COL1A2: variants seen among roughly 807,000 people sequenced by gnomAD.
The protein encoded by COL1A2 is collagen alpha-2(I) chain.
In COL1A2, 49 loss-of-function variants were observed where a neutral mutation model predicts 174.3. The observed-to-expected ratio is 0.28, with a 90% confidence interval of 0.22 to 0.36. The LOEUF (loss-of-function observed/expected upper bound fraction) is 0.36, where lower values mean the gene tolerates loss of function less well. COL1A2 is among the 10% of genes least tolerant of loss of function. COL1A2 has a pLI of 1.00. For missense variants in COL1A2, 1,438 were observed against 1,822.7 expected, an observed-to-expected ratio of 0.79 and a Z score of 3.84; for synonymous variants, 655 against 606.6, an observed-to-expected ratio of 1.08 and a Z score of -1.17.
At chr7:94,405,589 G>A in intron 10 of COL1A2, 84 bp from the exon 11 acceptor site, 1 of 1,295,982 alleles carries the variant, frequency 7.7e-7, no homozygotes, top group South Asian at 1.2e-5. Context: ...ACTTTGATGA[G>A]AATAAATACT....
chr7:94,404,940 T>A, intron 9 of COL1A2, 48 bp downstream of exon 9: 1 of 1,599,118 alleles, frequency 6.3e-7, no homozygotes, highest in East Asian at 2.2e-5. Flanking sequence ...TAAATACTCT[T>A]GCCTCAACAA....
Position 94,409,578 on chromosome 7 carries a change from A to C in COL1A2, c.906A>C (p.Ala302=). Residue 302 remains alanine (A), a synonymous_variant, in exon 18 of 52, where the codon GCA becomes GCC. Transcript: ENST00000297268. ...TTTCCTCATAGGGTAATCCTGGAGC[A>C]AACGGCCTTACTGGTGCCAAGGGTG... is the stretch of plus-strand genomic sequence containing the variant. ...GPVGPPGNPG[A]NGLTGAKGAA... 1 of 1,614,232 alleles carries C rather than the reference A, an allele frequency of 6.2e-7. No homozygotes were observed. Among genetic ancestry groups the C allele is most frequent in the South Asian group, 1.1e-5 (1 of 91,082 alleles).
At chr7:94,429,615 T>C in intron 51 of COL1A2, 185 bp downstream of exon 51, 2 of 591,068 alleles carry the variant, frequency 3.4e-6, no homozygotes, top group Non-Finnish European at 5.8e-6. Context: ...TACGTATTAA[T>C]TTCGTACTTA....
intron 3 of COL1A2, 132 bp downstream of exon 3, chr7:94,398,528 G>A (rs1791625944): frequency 2.9e-6 from 1 of 345,406 alleles, no homozygotes; most frequent in Non-Finnish European, 5.2e-6. Context: ...ATTAGCTAAA[G>A]CATAAAATAA....
At chr7:94,417,863 T>A (rs1449654785) in intron 32 of COL1A2, 32 bp downstream of exon 32, 20 of 1,524,084 alleles carry the variant, frequency 1.3e-5, no homozygotes, top group Non-Finnish European at 1.5e-5. Flanking sequence ...ATATTGTTGA[T>A]GAACTCTAGT....
chr7:94,407,732 G>C (rs1791831385), intron 12 of COL1A2, 115 bp from the exon 13 acceptor site: 1 of 868,898 alleles, frequency 1.2e-6, no homozygotes, highest in Non-Finnish European at 1.8e-6. Context: ...ATATGTGTAA[G>C]AAATATTATG....
At chr7:94,429,059 T>G (rs1792344020) in intron 50 of COL1A2, 129 bp from the exon 51 acceptor site, 2 of 783,050 alleles carry the variant, frequency 2.6e-6, no homozygotes, top group Non-Finnish European at 2.0e-6. Context: ...AAAAGTACCC[T>G]TTTCCTAAGC....
At position 94,426,989 on chromosome 7, in the gene COL1A2, T is replaced by G. The variant is rs779002473; in HGVS notation, c.3106-19T>G. 58 of 1,612,796 alleles carry G rather than the reference T, an allele frequency of 3.6e-5. No homozygotes were observed. Among genetic ancestry groups the G allele is most frequent in the Non-Finnish European group, 4.7e-5 (56 of 1,179,038 alleles). On this transcript the variant is annotated intron_variant, in intron 46 of 51. Transcript: ENST00000297268. The stretch of plus-strand genomic sequence containing the variant: ...GACATGTGCTCTGAAAGTGTGATTT[T>G]CCTCTTCTGTCTTTAAAGGGTCACC...
chr7:94,401,397 A>G (rs1032968017), intron 5 of COL1A2, among the ~76,000 whole-genome samples, 170 bp from the exon 6 acceptor site: 1 of 152,176 alleles, frequency 6.6e-6, no homozygotes, highest in African/African-American at 2.4e-5. Flanking sequence ...ATAACTTTTT[A>G]GGAATTTAGT....
intron 41 of COL1A2, 69 bp from the exon 42 acceptor site, chr7:94,425,048 G>A: frequency 7.2e-7 from 1 of 1,384,284 alleles, no homozygotes; most frequent in African/African-American, 1.4e-5. Context: ...GAGTAGGGTT[G>A]TTTTGGAGGG....
rs1792387777 is a variant in COL1A2, at chr7:94,430,867, A to T, written c.*474A>T. 3 of 166,478 alleles carry T rather than the reference A, an allele frequency of 1.8e-5. No individual in the cohort carries two copies. The South Asian group carries it at 4.8e-4, about 27-fold the overall frequency. The allele number at this position is 166,478 out of a possible 1,614,324, so 10.3% of individuals were successfully genotyped here. On this transcript the variant is annotated 3_prime_UTR_variant, in exon 52 of 52. Transcript: ENST00000297268. ...GTCCTTGTTTTGTTTTGTTCATAAT[A>T]CAAAGGTGCTAATTAATAGTATTTC...
In COL1A2 at chr7:94,427,000, C is replaced by T. The variant is rs772440923; in HGVS notation, c.3106-8C>T. On this transcript the variant is annotated splice_polypyrimidine_tract_variant and splice_region_variant and intron_variant, in intron 46 of 51. Coordinates refer to ENST00000297268, the MANE Select transcript of COL1A2 (RefSeq NM_000089.4). ...TGAAAGTGTGATTTTCCTCTTCTGT[C>T]TTTAAAGGGTCACCATGGTGATCAA... The T allele has an allele frequency of 6.2e-7, 1 of 1,613,202 alleles. No homozygotes were observed. Among genetic ancestry groups the T allele is most frequent in the Non-Finnish European group, 8.5e-7 (1 of 1,179,518 alleles).
intron 41 of COL1A2, 26 bp from the exon 42 acceptor site, chr7:94,425,091 T>C (rs574039449): frequency 2.5e-6 from 4 of 1,601,210 alleles, no homozygotes; most frequent in South Asian, 2.2e-5. Flanking sequence ...AAGGGGAATG[T>C]CATTTTATCT....
Position 94,424,329 on chromosome 7 carries a change from T to C in COL1A2, c.2566-7T>C, listed in dbSNP as rs752506724. On this transcript the variant is annotated splice_polypyrimidine_tract_variant and splice_region_variant and intron_variant, in intron 40 of 51. Coordinates refer to ENST00000297268, the MANE Select transcript of COL1A2 (RefSeq NM_000089.4). ...CCCATAATACTCAGTATTTTTTCTCTATTTAGGGACCTCCTGGCACTCCAG... is the reference window on the plus strand; with the variant it reads ...CCCATAATACTCAGTATTTTTTCTCCATTTAGGGACCTCCTGGCACTCCAG... 4 of 1,613,164 alleles carry C rather than the reference T, an allele frequency of 2.5e-6. No homozygotes were observed. The highest frequency in any genetic ancestry group is 2.2e-5 in the South Asian group (2 of 91,060).
Position 94,424,498 on chromosome 7 carries a change from T to C in COL1A2, c.2673+55T>C. 1.3e-5 allele frequency: 19 copies of C among 1,483,616 alleles called. No homozygotes were observed. In the South Asian group the frequency reaches 2.0e-4, roughly 16 times the overall value. 91.9% of individuals were successfully genotyped at this position (1,483,616 alleles called of 1,614,324 possible). ...TAACATAAGAAAAGATTTTAAAAGC[T>C]GCCACTTCAAATGTGACAGATTGAT... On this transcript the variant is annotated intron_variant, in intron 41 of 51. Coordinates refer to ENST00000297268, the MANE Select transcript of COL1A2 (RefSeq NM_000089.4).
At chr7:94,422,643 T>C (rs1792191304) in intron 39 of COL1A2, 1 of 300,724 alleles carries the variant, frequency 3.3e-6, no homozygotes, top group Middle Eastern at 1.1e-3. Flanking sequence ...TCATTTATCA[T>C]TAACTCCTAT....
intron 15 of COL1A2, 136 bp from the exon 16 acceptor site, chr7:94,408,634 G>C (rs1270504060): frequency 4.9e-6 from 5 of 1,030,288 alleles, no homozygotes; most frequent in Non-Finnish European, 7.4e-6. Flanking sequence ...AACGACAACA[G>C]ACTGGTTGTC....
intron 25 of COL1A2, 109 bp downstream of exon 25, chr7:94,412,791 C>A: frequency 1.0e-6 from 1 of 977,348 alleles, no homozygotes; most frequent in Non-Finnish European, 1.6e-6. Context: ...AGTTTCCTTT[C>A]AACACAGGAA....
rs759103731 is a variant in COL1A2, at chr7:94,428,431, A to G, written c.3665A>G (p.Asp1222Gly). The change falls in exon 50 of 52, where the codon GAC becomes GGC. Residue 1222 changes from aspartate (D) to glycine (G), a missense_variant. Coordinates refer to ENST00000297268, the MANE Select transcript of COL1A2 (RefSeq NM_000089.4). The stretch of plus-strand genomic sequence containing the variant: ...AAGAACTGGTATAGGAGCTCCAAGG[A>G]CAAGAAACACGTCTGGCTAGGAGAA... ...PAKNWYRSSK[D>G]KKHVWLGETI... 8 of 1,614,150 alleles carry G rather than the reference A, an allele frequency of 5.0e-6. No homozygotes were observed. Among genetic ancestry groups the G allele is most frequent in the South Asian group, 1.1e-5 (1 of 91,084 alleles).
Sources: allele counts gnomAD v4.1 joint callset (sites outside exome capture counted in the v4.1 genomes callset), GRCh38; gene constraint gnomAD v4.1.1; transcripts MANE v1.5; gene names NCBI Gene and HGNC (gene_info 2026-07-23, HGNC 2026-07-21).